ARK2N: variants seen among roughly 807,000 people sequenced by gnomAD.
The protein encoded by ARK2N is protein ARK2N.
the ARK2N span, among the ~76,000 whole-genome samples, chr18:46,243,086 A>G: frequency 2.0e-5 from 3 of 151,238 alleles, no homozygotes; most frequent in Non-Finnish European, 4.4e-5. Context: ...TTTCAAAGGC[A>G]TTTTTTTTTC....
chr18:46,200,546 TC>T, the ARK2N span, among the ~76,000 whole-genome samples: 1 of 152,122 alleles, frequency 6.6e-6, no homozygotes, highest in Non-Finnish European at 1.5e-5. Flanking sequence ...GACCTCATGA[TC>T]CGCCCGCCTC....
the ARK2N span, among the ~76,000 whole-genome samples, chr18:46,182,923 A>G: frequency 1.3e-5 from 2 of 152,094 alleles, no homozygotes; most frequent in Non-Finnish European, 2.9e-5. Context: ...CACAATTTAT[A>G]TTTAAGTTCC....
the ARK2N span, among the ~76,000 whole-genome samples, chr18:46,179,631 T>C: frequency 1.3e-5 from 2 of 151,560 alleles, no homozygotes; most frequent in African/African-American, 4.8e-5. Flanking sequence ...TTATCTTTTT[T>C]TTTTTTTTTT....
the ARK2N span, among the ~76,000 whole-genome samples, chr18:46,183,130 G>A: frequency 1.3e-5 from 2 of 152,014 alleles, no homozygotes; most frequent in East Asian, 3.8e-4. Flanking sequence ...TCAGTGTTCA[G>A]ATTTCCCTCT....
At chr18:46,228,366 T>G in the ARK2N span, among the ~76,000 whole-genome samples, 687 of 152,110 alleles carry the variant, frequency 4.5e-3, 7 homozygotes, top group African/African-American at 0.015. Context: ...TTTTTTGTTT[T>G]ATGATACGAT....
At chr18:46,231,743 T>A in the ARK2N span, 3 of 151,702 alleles carry the variant, frequency 2.0e-5, no homozygotes, top group African/African-American at 7.3e-5. Context: ...TTTCTTTTTT[T>A]TTTTGTTTTT....
chr18:46,249,101 C>T, the ARK2N span, among the ~76,000 whole-genome samples: 6 of 152,176 alleles, frequency 3.9e-5, no homozygotes, highest in Non-Finnish European at 7.3e-5. Context: ...CCTGTATCCC[C>T]CATGCTAAGC....
the ARK2N span, chr18:46,240,057 A>G: frequency 3.0e-5 from 49 of 1,614,202 alleles, 1 homozygote; most frequent in South Asian, 3.1e-4. Flanking sequence ...ACTCTGACCC[A>G]GAAGTGGTAA....
At chr18:46,254,213 A>G in the ARK2N span, among the ~76,000 whole-genome samples, 1 of 152,244 alleles carries the variant, frequency 6.6e-6, no homozygotes, top group Admixed American at 6.5e-5. Flanking sequence ...GTTGGGAAAC[A>G]TGCATCTGAC....
At chr18:46,215,372 C>T in the ARK2N span, among the ~76,000 whole-genome samples, 31 of 152,210 alleles carry the variant, frequency 2.0e-4, no homozygotes, top group Non-Finnish European at 3.5e-4. Context: ...ATTGTAACTC[C>T]CCTCCTCCCA....
the ARK2N span, chr18:46,253,623 T>C: frequency 6.6e-7 from 1 of 1,517,646 alleles, no homozygotes; most frequent in African/African-American, 1.4e-5. Context: ...GACAAATCTG[T>C]CAATGAGTTG....
the ARK2N span, among the ~76,000 whole-genome samples, chr18:46,260,958 G>C: frequency 6.6e-6 from 1 of 152,152 alleles, no homozygotes; most frequent in Admixed American, 6.5e-5. Flanking sequence ...TACATTGTAT[G>C]ATTACTTAGT....
At chr18:46,209,218 A>G in the ARK2N span, among the ~76,000 whole-genome samples, 2 of 151,742 alleles carry the variant, frequency 1.3e-5, no homozygotes, top group African/African-American at 2.4e-5. Flanking sequence ...TGTTCTGACT[A>G]TATGAATTAT....
chr18:46,256,240 T>A, the ARK2N span, among the ~76,000 whole-genome samples: 1 of 152,216 alleles, frequency 6.6e-6, no homozygotes, highest in Non-Finnish European at 1.5e-5. Flanking sequence ...CCTGTATTGT[T>A]TATCTAGTCT....
the ARK2N span, among the ~76,000 whole-genome samples, chr18:46,247,603 G>A: frequency 3.9e-5 from 6 of 152,268 alleles, no homozygotes; most frequent in African/African-American, 1.4e-4. Flanking sequence ...GATCCCAACA[G>A]GCTGAACCCC....
chr18:46,263,240 A>G, the ARK2N span: 1 of 1,027,378 alleles, frequency 9.7e-7, no homozygotes, highest in Non-Finnish European at 1.3e-6. Context: ...TAGGATTCAA[A>G]CTCATGGAAA....
chr18:46,263,146 T>C, the ARK2N span: 2 of 1,555,982 alleles, frequency 1.3e-6, no homozygotes, highest in Non-Finnish European at 1.7e-6. Flanking sequence ...TCCTCTGCAC[T>C]GTTCCCTTCC....
At chr18:46,240,005 A>G in the ARK2N span, 1 of 1,613,786 alleles carries the variant, frequency 6.2e-7, no homozygotes, top group Non-Finnish European at 8.5e-7. Flanking sequence ...TCCTCCCTAG[A>G]TGGACCTCCA....
At chr18:46,179,823 C>T in the ARK2N span, among the ~76,000 whole-genome samples, 8 of 152,060 alleles carry the variant, frequency 5.3e-5, no homozygotes, top group African/African-American at 1.9e-4. Flanking sequence ...AGGGGTTTCT[C>T]CATGTTAGTC....
Sources: gnomAD v4.1 joint callset for allele counts (sites outside exome capture counted in the v4.1 genomes callset) on GRCh38, gnomAD v4.1.1 for gene constraint, MANE v1.5 for transcripts, NCBI Gene and HGNC (gene_info 2026-07-23, HGNC 2026-07-21) for gene names.